Variants in ACTN2 observed in about 807,000 individuals in gnomAD.
ACTN2 encodes alpha-actinin-2.
In ACTN2, 39 loss-of-function variants were observed where a neutral mutation model predicts 113.8. The ratio of observed to expected loss-of-function variants is 0.34; its 90% CI spans 0.27 to 0.45. The LOEUF is 0.45. Among genes scored for constraint, ACTN2 ranks in the 20% least tolerant of loss-of-function variants. ACTN2 has a pLI of 1.00. For missense variants in ACTN2, 992 were observed against 1,177.9 expected, an observed-to-expected ratio of 0.84 and a Z score of 2.31; for synonymous variants, 429 against 444.1, an observed-to-expected ratio of 0.97 and a Z score of 0.43.
intron 5 of ACTN2, among the ~76,000 whole-genome samples, chr1:236,726,516 A>G (rs1226508665): frequency 5.3e-5 from 8 of 152,252 alleles, no homozygotes; most frequent in Non-Finnish European, 1.0e-4. Flanking sequence ...GAGATGAATG[A>G]AATCTCGACA....
chr1:236,737,314 T>TATATATATATATATAG, intron 9 of ACTN2, 100 bp downstream of exon 9: 1 of 303,958 alleles, frequency 3.3e-6, no homozygotes, highest in Non-Finnish European at 6.7e-6. Context: ...TATATATATA[T>TATATATATATATATAG]ATATTTTGCA....
In ACTN2 at chr1:236,755,192, G is replaced by A. The variant is rs191631773; in HGVS notation, c.2148G>A (p.Thr716=). Residue 716 remains threonine (T), a synonymous_variant, in exon 17 of 21, where the codon ACG becomes ACA. Transcript: ENST00000366578. ...LVFDNKHTNY[T]MEHIRVGWEL... ...TTGACAACAAGCACACGAACTACAC[G>A]ATGGAGGTACGGCAGCCAGACAGGC... 6.3e-5 allele frequency: 102 copies of A among 1,614,154 alleles called. No individual in the cohort carries two copies. In the East Asian group the frequency reaches 7.4e-4, roughly 12 times the overall value.
chr1:236,706,815 C>CT (rs1488439831), intron 1 of ACTN2, among the ~76,000 whole-genome samples: 1 of 152,180 alleles, frequency 6.6e-6, no homozygotes, highest in Non-Finnish European at 1.5e-5. Flanking sequence ...GTATTGAAAA[C>CT]TTTAACAGGT....
intron 17 of ACTN2, 51 bp downstream of exon 17, chr1:236,755,249 C>T (rs770699013): frequency 3.7e-6 from 6 of 1,606,408 alleles, no homozygotes; most frequent in South Asian, 3.3e-5. Flanking sequence ...GGGACCATGC[C>T]ACCTCCTCAG....
chr1:236,730,290 GA>G lies in ACTN2; in HGVS notation c.616-940del, dbSNP rs1391588018. Reference sequence around the variant, plus strand: ...TAAACACTTTTTTTTTTTTTTTACTGAAATCGCTGTATACTCTGTGAGGCCA... The same window carrying G: ...TAAACACTTTTTTTTTTTTTTTACTGAATCGCTGTATACTCTGTGAGGCCA... On this transcript the variant is annotated intron_variant, in intron 6 of 20. Transcript: ENST00000366578. 4.0e-4 allele frequency among the ~76,000 whole-genome samples: 57 copies of G among 141,032 alleles called. 5 individuals carry two copies. Among genetic ancestry groups the G allele is most frequent in the East Asian group, 4.0e-3 (19 of 4,786 alleles). 92.5% of individuals were successfully genotyped at this position (141,032 alleles called of 152,430 possible).
chr1:236,695,563 T>TCCCCTCC (rs1657468168), intron 1 of ACTN2, among the ~76,000 whole-genome samples: 1 of 100,796 alleles, frequency 9.9e-6, no homozygotes. Context: ...TGAAATGAGT[T>TCCCCTCC]CCCCCCCCCT....
intron 3 of ACTN2, among the ~76,000 whole-genome samples, chr1:236,719,278 T>C (rs1457000529): frequency 6.6e-6 from 1 of 152,220 alleles, no homozygotes; most frequent in Non-Finnish European, 1.5e-5. Context: ...AGAAAGAACT[T>C]ACACATCCCA....
chr1:236,707,705 T>C (rs1270874887), intron 1 of ACTN2, among the ~76,000 whole-genome samples: 3 of 112,412 alleles, frequency 2.7e-5, no homozygotes, highest in Admixed American at 1.4e-4. Flanking sequence ...CTTTTCTTTT[T>C]TTTCTTTTTT....
intron 1 of ACTN2, among the ~76,000 whole-genome samples, chr1:236,701,616 C>A (rs960098297): frequency 3.3e-5 from 5 of 152,174 alleles, no homozygotes; most frequent in African/African-American, 1.2e-4. Context: ...TTTATACTTA[C>A]ACTTTAGACA....
At chr1:236,746,033 G>A (rs1472119216) in intron 12 of ACTN2, among the ~76,000 whole-genome samples, 1 of 151,726 alleles carries the variant, frequency 6.6e-6, no homozygotes, top group Admixed American at 6.6e-5. Context: ...AGGCATGGTG[G>A]CGGGCACCTG....
intron 7 of ACTN2, chr1:236,734,437 AG>A (rs751088468): frequency 1.3e-6 from 2 of 1,534,256 alleles, no homozygotes; most frequent in Non-Finnish European, 8.7e-7. Context: ...ACACAGATTT[AG>A]TATACACTGC....
At chr1:236,735,354 G>A (rs1463287270) in intron 7 of ACTN2, among the ~76,000 whole-genome samples, 1 of 152,068 alleles carries the variant, frequency 6.6e-6, no homozygotes, top group Non-Finnish European at 1.5e-5. Flanking sequence ...CCATGTGAAA[G>A]CATTGAATGC....
intron 1 of ACTN2, among the ~76,000 whole-genome samples, chr1:236,699,786 C>G (rs1235065314): frequency 6.6e-6 from 1 of 151,944 alleles, no homozygotes; most frequent in Non-Finnish European, 1.5e-5. Flanking sequence ...TTAATCATAC[C>G]CCAAAGCAGA....
Position 236,764,291 on chromosome 1 carries a change from ACT to A in ACTN2, c.*1675_*1676del, listed in dbSNP as rs1185092003. On this transcript the variant is annotated 3_prime_UTR_variant, in exon 21 of 21. Transcript: ENST00000366578. ...TTTGGGGTGGTTTAGATGAACTCTG[ACT>A]CTATTTTATTTCAAGTAGGTGCTAT... The A allele has an allele frequency of 1.1e-4, 16 of 151,992 alleles. No individual in the cohort carries two copies. The highest frequency in any genetic ancestry group is 3.6e-4 in the African/African-American group (15 of 41,352). 9.4% of individuals were successfully genotyped at this position (151,992 alleles called of 1,614,324 possible).
intron 1 of ACTN2, among the ~76,000 whole-genome samples, chr1:236,710,486 G>A (rs2102882353): frequency 6.6e-6 from 1 of 152,328 alleles, no homozygotes; most frequent in East Asian, 1.9e-4. Flanking sequence ...CCAAGCCATT[G>A]AATGAGACTG....
intron 4 of ACTN2, 39 bp downstream of exon 4, chr1:236,720,230 A>T: frequency 6.8e-7 from 1 of 1,475,794 alleles, no homozygotes; most frequent in South Asian, 1.1e-5. Flanking sequence ...TATAATCTGT[A>T]AATTGAGCTT....
intron 8 of ACTN2, chr1:236,736,531 GTA>G (rs1658881703): frequency 7.2e-7 from 1 of 1,385,762 alleles, no homozygotes; most frequent in African/African-American, 1.4e-5. Flanking sequence ...AGAGAATTGT[GTA>G]TTACCTCAAT....
intron 4 of ACTN2, among the ~76,000 whole-genome samples, chr1:236,723,734 GGT>G (rs1658467349): frequency 6.6e-6 from 1 of 152,158 alleles, no homozygotes; most frequent in Non-Finnish European, 1.5e-5. Flanking sequence ...TGGGATTACA[GGT>G]GTGAGCCACT....
At chr1:236,704,070 C>A (rs374735873) in intron 1 of ACTN2, among the ~76,000 whole-genome samples, 1 of 152,044 alleles carries the variant, frequency 6.6e-6, no homozygotes, top group African/African-American at 2.4e-5. Flanking sequence ...AGGATGCATA[C>A]GGAGTTTTAA....
Sources: allele counts gnomAD v4.1 joint callset (sites outside exome capture counted in the v4.1 genomes callset), GRCh38; gene constraint gnomAD v4.1.1; transcripts MANE v1.5; gene names NCBI Gene and HGNC (gene_info 2026-07-23, HGNC 2026-07-21).